NXPE3: variants seen among roughly 807,000 people sequenced by gnomAD.
The protein encoded by NXPE3 is neurexophilin and PC-esterase domain family member 3.
NXPE3 carries 26 observed loss-of-function variants against 46.1 expected under a neutral mutation model. The ratio of observed to expected loss-of-function variants is 0.56; its 90% CI spans 0.41 to 0.78. NXPE3 has a LOEUF of 0.78. Ranked by LOEUF, NXPE3 falls within the 30% of genes least tolerant of loss-of-function variation. The pLI, the probability that NXPE3 is intolerant of heterozygous loss-of-function variation, is 0.00. For missense variants in NXPE3, 620 were observed against 686.0 expected (o/e 0.90, Z 1.07); for synonymous variants, 272 against 257.9 (o/e 1.05, Z -0.52).
chr3:101,814,090 ACTTTT>A (rs1025059296), intron 6 of NXPE3, among the ~76,000 whole-genome samples: 3 of 152,220 alleles, frequency 2.0e-5, no homozygotes, highest in Non-Finnish European at 2.9e-5. Flanking sequence ...TGTGACATAT[ACTTTT>A]CTTTATAACA....
At chr3:101,792,210 G>A (rs1239378540) in intron 4 of NXPE3, among the ~76,000 whole-genome samples, 1 of 152,144 alleles carries the variant, frequency 6.6e-6, no homozygotes, top group Non-Finnish European at 1.5e-5. Context: ...CATTCTGCAG[G>A]TTGTCTGTTT....
At position 101,826,638 on chromosome 3, in the gene NXPE3, G is replaced by A. The variant is rs917312017; in HGVS notation, c.*4684G>A. ...TGGTGGACGATAAGAGGATGGTTGAGGGCAGGAGTTTAAAGGACACAGAAG... is the reference window on the plus strand; with the variant it reads ...TGGTGGACGATAAGAGGATGGTTGAAGGCAGGAGTTTAAAGGACACAGAAG... On this transcript the variant is annotated 3_prime_UTR_variant, in exon 8 of 8. Transcript: ENST00000273347. The A allele has an allele frequency of 2.0e-5, 3 of 152,186 alleles. No individual in the cohort carries two copies. Among genetic ancestry groups the A allele is most frequent in the Admixed American group, 2.0e-4 (3 of 15,274 alleles). 9.4% of individuals were successfully genotyped at this position (152,186 alleles called of 1,614,324 possible).
chr3:101,801,981 C>A lies in NXPE3; in HGVS notation c.840C>A (p.Phe280Leu), dbSNP rs1321895439. 6.2e-7 allele frequency: 1 copy of A among 1,606,052 alleles called. No homozygotes were observed. Among genetic ancestry groups the A allele is most frequent in the Non-Finnish European group, 8.5e-7 (1 of 1,178,364 alleles). The change falls in exon 5 of 8, where the codon TTC becomes TTA. Residue 280 changes from phenylalanine (F) to leucine (L), a missense_variant. By Grantham distance (22) the Phe-to-Leu change is conservative (BLOSUM62 0). Around this residue, in one of 3 missense-constraint regions of NXPE3, gnomAD observed 511 missense variants for 528.6 expected, o/e 0.97. Transcript: ENST00000273347. The part of the protein sequence containing the change: ...KGLLTAAESA[F>L]FQSGVNIKMP... ...TCCTAACCGCTGCAGAGAGTGCTTT[C>A]TTCCAGAGGTATGTACTGCTTTTTC...
intron 4 of NXPE3, among the ~76,000 whole-genome samples, chr3:101,800,170 T>G (rs1483563447): frequency 6.6e-6 from 1 of 152,192 alleles, no homozygotes; most frequent in Non-Finnish European, 1.5e-5. Context: ...TTTAGGTTGT[T>G]TTTCTTTCCT....
chr3:101,790,559 G>A (rs1940450754), intron 4 of NXPE3, among the ~76,000 whole-genome samples: 1 of 151,954 alleles, frequency 6.6e-6, no homozygotes, highest in Non-Finnish European at 1.5e-5. Flanking sequence ...TCCTTTGTTT[G>A]CTGTTAGCAA....
intron 7 of NXPE3, among the ~76,000 whole-genome samples, chr3:101,818,505 T>C (rs1022932302): frequency 6.6e-6 from 1 of 151,734 alleles, no homozygotes; most frequent in Non-Finnish European, 1.5e-5. Flanking sequence ...CGTCCCACCA[T>C]ATACTTTACA....
intron 4 of NXPE3, among the ~76,000 whole-genome samples, chr3:101,792,695 CA>C (rs1389748151): frequency 6.6e-6 from 1 of 152,130 alleles, no homozygotes; most frequent in African/African-American, 2.4e-5. Flanking sequence ...AGTCAGGTAA[CA>C]TGATGACACC....
intron 5 of NXPE3, among the ~76,000 whole-genome samples, chr3:101,804,921 T>C (rs1402121098): frequency 6.6e-6 from 1 of 152,226 alleles, no homozygotes; most frequent in Non-Finnish European, 1.5e-5. Flanking sequence ...TTTAGCATGA[T>C]TGCTACTTTT....
chr3:101,821,335 A>T lies in NXPE3; in HGVS notation c.1130-69A>T, dbSNP rs184213876. On this transcript the variant is annotated intron_variant, in intron 7 of 7. Transcript: ENST00000273347. Reference sequence around the variant, plus strand: ...AAAAATTGTTATTTGAAGCCACTTAATAAGGTATAATCAAAATATATGTGC... The same window carrying T: ...AAAAATTGTTATTTGAAGCCACTTATTAAGGTATAATCAAAATATATGTGC... The T allele has an allele frequency of 1.0e-4, 143 of 1,363,260 alleles. 1 individual carries two copies. The East Asian group carries it at 1.4e-3, about 13-fold the overall frequency. The allele number at this position is 1,363,260 out of a possible 1,614,324, so 84.4% of individuals were successfully genotyped here. A position where few individuals can be genotyped will look rare whatever the true frequency, so the allele number is the denominator to read the frequency against.
intron 4 of NXPE3, among the ~76,000 whole-genome samples, chr3:101,789,687 A>T (rs1314888162): frequency 6.6e-6 from 1 of 151,366 alleles, no homozygotes; most frequent in Admixed American, 6.6e-5. Context: ...TCTTTAACCC[A>T]TGTGTTATTT....
intron 4 of NXPE3, among the ~76,000 whole-genome samples, chr3:101,792,443 A>G (rs890109480): frequency 6.6e-6 from 1 of 152,094 alleles, no homozygotes; most frequent in African/African-American, 2.4e-5. Flanking sequence ...TTTTGTATGT[A>G]GTGTAAGGAA....
chr3:101,824,900 G>A lies in NXPE3; in HGVS notation c.*2946G>A, dbSNP rs1210414876. The A allele has an allele frequency of 6.6e-6, 1 of 152,178 alleles. No homozygotes were observed. Among genetic ancestry groups the A allele is most frequent in the Non-Finnish European group, 1.5e-5 (1 of 68,020 alleles). 9.4% of individuals were successfully genotyped at this position (152,178 alleles called of 1,614,324 possible). A position where few individuals can be genotyped will look rare whatever the true frequency, so the allele number is the denominator to read the frequency against. ...CTTGATTGTGCAAATGATTTCTTAT[G>A]ATCTTGTCTGGTTTTCTGTTATTTT... On this transcript the variant is annotated 3_prime_UTR_variant, in exon 8 of 8. Transcript: ENST00000273347.
chr3:101,784,634 C>T (rs1940038871), intron 3 of NXPE3, among the ~76,000 whole-genome samples: 1 of 152,180 alleles, frequency 6.6e-6, no homozygotes, highest in Non-Finnish European at 1.5e-5. Flanking sequence ...TTCTGTTTAC[C>T]TGTATCAAAA....
At position 101,782,234 on chromosome 3, in the gene NXPE3, G is replaced by GT. The variant is rs747038262; in HGVS notation, c.-372dup. 1.3e-5 allele frequency: 2 copies of GT among 152,142 alleles called. No individual in the cohort carries two copies. Among genetic ancestry groups the GT allele is most frequent in the African/African-American group, 4.8e-5 (2 of 41,430 alleles). 9.4% of individuals were successfully genotyped at this position (152,142 alleles called of 1,614,324 possible). A position where few individuals can be genotyped will look rare whatever the true frequency, so the allele number is the denominator to read the frequency against. On this transcript the variant is annotated 5_prime_UTR_variant, in exon 2 of 8. It introduces an in-frame stop codon into an upstream open reading frame of the 5' UTR. Coordinates refer to ENST00000273347, the MANE Select transcript of NXPE3 (RefSeq NM_145037.4). ...TTTCATGCTGGAAGGAAAGTTAGAC[G>GT]TAACTTCTAATTTCTAGTTCCAGTA... is the stretch of plus-strand genomic sequence containing the variant.
Position 101,824,396 on chromosome 3 carries a change from T to C in NXPE3, c.*2442T>C, listed in dbSNP as rs1942399620. 6.6e-6 allele frequency: 1 copy of C among 152,224 alleles called. No homozygotes were observed. The highest frequency in any genetic ancestry group is 2.4e-5 in the African/African-American group (1 of 41,456). 9.4% of individuals were successfully genotyped at this position (152,224 alleles called of 1,614,324 possible). Reference sequence around the variant, plus strand: ...CTGAAATAAGGTATGTGAGAGTCCATATCTCTTTTCAGCTAAACTTGTGAG... The same window carrying C: ...CTGAAATAAGGTATGTGAGAGTCCACATCTCTTTTCAGCTAAACTTGTGAG... On this transcript the variant is annotated 3_prime_UTR_variant, in exon 8 of 8. Transcript: ENST00000273347.
chr3:101,789,803 A>C (rs1940397812), intron 4 of NXPE3, among the ~76,000 whole-genome samples: 1 of 151,158 alleles, frequency 6.6e-6, no homozygotes, highest in African/African-American at 2.4e-5. Flanking sequence ...TGATCCTCCC[A>C]CCTCCCCCTC....
chr3:101,810,245 C>T (rs994108520), intron 6 of NXPE3, among the ~76,000 whole-genome samples: 38 of 152,184 alleles, frequency 2.5e-4, no homozygotes, highest in African/African-American at 9.2e-4. Flanking sequence ...AGCTGAGTGG[C>T]TCAGGGACCT....
chr3:101,808,354 C>T (rs867329194), intron 6 of NXPE3, among the ~76,000 whole-genome samples: 21 of 152,262 alleles, frequency 1.4e-4, no homozygotes, highest in Admixed American at 9.8e-4. Flanking sequence ...AATAGTACTG[C>T]ACTCTGCAGA....
chr3:101,792,754 T>C (rs1416809114), intron 4 of NXPE3, among the ~76,000 whole-genome samples: 1 of 152,242 alleles, frequency 6.6e-6, no homozygotes, highest in Admixed American at 6.5e-5. Flanking sequence ...TGGGCTCTTT[T>C]TGGTTGCATA....
Sources: allele counts gnomAD v4.1 joint callset (sites outside exome capture counted in the v4.1 genomes callset), GRCh38; gene constraint gnomAD v4.1.1; regional missense constraint gnomAD v4.1.1; transcripts MANE v1.5; gene names NCBI Gene and HGNC (gene_info 2026-07-23, HGNC 2026-07-21).